PTGFR: variants seen among roughly 807,000 people sequenced by gnomAD.
PTGFR encodes the protein prostaglandin F receptor, also known as prostaglandin F2-alpha receptor.
PTGFR carries 15 observed loss-of-function variants against 26.2 expected under a neutral mutation model. That is an observed-to-expected ratio of 0.57 (90% CI 0.38 to 0.88). The LOEUF (loss-of-function observed/expected upper bound fraction) is 0.88. PTGFR is among the 40% of genes least tolerant of loss of function. The probability of loss-of-function intolerance (pLI) is 0.00; values close to 1 mark genes in which losing one functional copy is unlikely to be tolerated. For missense variants in PTGFR, 369 were observed against 427.2 expected (o/e 0.86, Z 1.20); for synonymous variants, 165 against 151.1 (o/e 1.09, Z -0.68).
intron 2 of PTGFR, among the ~76,000 whole-genome samples, chr1:78,523,936 T>C (rs1458070543): frequency 1.3e-5 from 2 of 152,110 alleles, no homozygotes; most frequent in Non-Finnish European, 2.9e-5. Flanking sequence ...TGTCTGAAAG[T>C]AGCATCTAAT....
chr1:78,532,939 A>G (rs1650557892), intron 2 of PTGFR, among the ~76,000 whole-genome samples: 1 of 152,172 alleles, frequency 6.6e-6, no homozygotes, highest in Non-Finnish European at 1.5e-5. Context: ...GGATCAATCC[A>G]CAAGGAAATA....
At chr1:78,518,920 A>G (rs1198503473) in intron 2 of PTGFR, among the ~76,000 whole-genome samples, 6 of 152,110 alleles carry the variant, frequency 3.9e-5, no homozygotes. Context: ...AACCTCAGTG[A>G]ATTCTGACTT....
rs772936686 is a variant in PTGFR, at chr1:78,539,369, T to C, written c.*2682T>C. On this transcript the variant is annotated 3_prime_UTR_variant, in exon 3 of 3. Coordinates refer to ENST00000370757, the MANE Select transcript of PTGFR (RefSeq NM_000959.4). ...AAGAGGACTTGTTAAATATAGAGTG[T>C]ACTTTTTGTTAAAACTATTGCTAGC... The C allele has an allele frequency of 4.6e-5, 7 of 152,348 alleles. No individual in the cohort carries two copies. Among genetic ancestry groups the C allele is most frequent in the Non-Finnish European group, 7.4e-5 (5 of 67,986 alleles). The allele number at this position is 152,348 out of a possible 1,614,324, so 9.4% of individuals were successfully genotyped here. A position where few individuals can be genotyped will look rare whatever the true frequency, so the allele number is the denominator to read the frequency against.
chr1:78,509,418 A>AT, intron 2 of PTGFR, among the ~76,000 whole-genome samples: 1 of 152,210 alleles, frequency 6.6e-6, no homozygotes, highest in Non-Finnish European at 1.5e-5. Context: ...TATATTAGAA[A>AT]TGCATCTTTT....
chr1:78,512,061 T>C (rs896098140), intron 2 of PTGFR, among the ~76,000 whole-genome samples: 2 of 152,240 alleles, frequency 1.3e-5, no homozygotes, highest in African/African-American at 4.8e-5. Context: ...CTCTTCAACC[T>C]GGTCTTCACT....
chr1:78,520,071 G>A (rs1263656807), intron 2 of PTGFR, among the ~76,000 whole-genome samples: 1 of 151,878 alleles, frequency 6.6e-6, no homozygotes, highest in Non-Finnish European at 1.5e-5. Flanking sequence ...ACATGAATGT[G>A]TTTAATAAGG....
chr1:78,501,490 A>G (rs376902804), intron 2 of PTGFR, among the ~76,000 whole-genome samples: 1 of 152,178 alleles, frequency 6.6e-6, no homozygotes. Context: ...GGTGTAACAC[A>G]GCTAATGCCA....
chr1:78,535,006 G>A (rs905580693), intron 2 of PTGFR, among the ~76,000 whole-genome samples: 6 of 152,146 alleles, frequency 3.9e-5, no homozygotes, highest in African/African-American at 9.7e-5. Flanking sequence ...CAAGGCTGGG[G>A]TTAGGGGTTA....
intron 2 of PTGFR, among the ~76,000 whole-genome samples, chr1:78,522,107 G>A (rs1650256730): frequency 6.6e-6 from 1 of 152,180 alleles, no homozygotes; most frequent in East Asian, 1.9e-4. Context: ...CCTTGTGACT[G>A]TAGATCTGAG....
At position 78,536,812 on chromosome 1, in the gene PTGFR, A is replaced by G. The variant is rs1453916444; in HGVS notation, c.*125A>G. On this transcript the variant is annotated 3_prime_UTR_variant, in exon 3 of 3. Coordinates refer to ENST00000370757, the MANE Select transcript of PTGFR (RefSeq NM_000959.4). ...AGGCTTCATCATGTAGTTTGAAGAT[A>G]CTATTGTCAGATTCAGGTTTTGAAA... 1.9e-6 allele frequency: 2 copies of G among 1,072,806 alleles called. No individual in the cohort carries two copies. The highest frequency in any genetic ancestry group is 2.6e-6 in the Non-Finnish European group (2 of 777,790). 66.5% of individuals were successfully genotyped at this position (1,072,806 alleles called of 1,614,324 possible). A position where few individuals can be genotyped will look rare whatever the true frequency, so the allele number is the denominator to read the frequency against.
In PTGFR at chr1:78,518,498, C is replaced by T. The variant is rs1337911128; in HGVS notation, c.799-17908C>T. ...ACCCTAGAGAATCAGTTTTGAAGTGCCCTAGTAATTACTTTAATACAAAAG... is the reference window on the plus strand; with the variant it reads ...ACCCTAGAGAATCAGTTTTGAAGTGTCCTAGTAATTACTTTAATACAAAAG... On this transcript the variant is annotated intron_variant, in intron 2 of 2. Transcript: ENST00000370757. Among the ~76,000 whole-genome samples the T allele has an allele frequency of 2.0e-5, 3 of 151,014 alleles. No individual in the cohort carries two copies. In the Admixed American group the frequency reaches 2.0e-4, roughly 10 times the overall value.
intron 2 of PTGFR, among the ~76,000 whole-genome samples, chr1:78,533,898 A>T (rs573952902): frequency 1.3e-5 from 2 of 152,292 alleles, no homozygotes; most frequent in South Asian, 4.1e-4. Flanking sequence ...GATTCATTGT[A>T]TTACCAGCCT....
At chr1:78,507,034 AC>A (rs989756695) in intron 2 of PTGFR, among the ~76,000 whole-genome samples, 4 of 152,220 alleles carry the variant, frequency 2.6e-5, no homozygotes, top group Non-Finnish European at 5.9e-5. Flanking sequence ...TAACTAGGTT[AC>A]ATGGAATCTA....
chr1:78,491,945 C>A (rs1649411401), intron 1 of PTGFR, among the ~76,000 whole-genome samples: 2 of 152,048 alleles, frequency 1.3e-5, no homozygotes, highest in Admixed American at 1.3e-4. Flanking sequence ...TGTTGCTACT[C>A]TGAAGCTGTA....
At chr1:78,526,240 G>C (rs1650370801) in intron 2 of PTGFR, among the ~76,000 whole-genome samples, 1 of 152,090 alleles carries the variant, frequency 6.6e-6, no homozygotes, top group South Asian at 2.1e-4. Context: ...GATAATTAAT[G>C]CTTTCTTTAT....
chr1:78,510,567 C>G (rs1259541042), intron 2 of PTGFR, among the ~76,000 whole-genome samples: 1 of 152,142 alleles, frequency 6.6e-6, no homozygotes, highest in Non-Finnish European at 1.5e-5. Flanking sequence ...TCCCACCAGG[C>G]CCCACATCCA....
chr1:78,530,863 G>A (rs933690508), intron 2 of PTGFR, among the ~76,000 whole-genome samples: 1 of 152,156 alleles, frequency 6.6e-6, no homozygotes, highest in Non-Finnish European at 1.5e-5. Context: ...CCACTTACCA[G>A]CAGTGTGAAC....
chr1:78,530,595 C>T (rs1650483133), intron 2 of PTGFR, among the ~76,000 whole-genome samples: 1 of 152,054 alleles, frequency 6.6e-6, no homozygotes, highest in South Asian at 2.1e-4. Flanking sequence ...TTGGCTTGAC[C>T]TAGAGCAAGT....
chr1:78,498,017 T>C, intron 2 of PTGFR: 7 of 1,146,582 alleles, frequency 6.1e-6, no homozygotes, highest in South Asian at 1.4e-5. Context: ...GTTACTCTTA[T>C]GCTAATATTT....
Sources: gnomAD v4.1 joint callset for allele counts (sites outside exome capture counted in the v4.1 genomes callset) on GRCh38, gnomAD v4.1.1 for gene constraint, MANE v1.5 for transcripts, NCBI Gene and HGNC (gene_info 2026-07-23, HGNC 2026-07-21) for gene names.